CFAP99: variants seen among roughly 807,000 people sequenced by gnomAD.
The protein encoded by CFAP99 is cilia and flagella associated protein 99.
A neutral mutation model predicts 82.7 loss-of-function variants in CFAP99; 84 were observed. The observed-to-expected ratio is 1.02, with a 90% CI of 0.85 to 1.22. The LOEUF is 1.22. Among genes scored for constraint, CFAP99 ranks in the 50% most tolerant of loss-of-function variants. CFAP99 has a pLI of 0.00. For missense variants in CFAP99, 1,059 were observed against 983.5 expected (o/e 1.08, Z -1.03); for synonymous variants, 456 against 429.5 (o/e 1.06, Z -0.76).
chr4:2,460,167 A>G, exon 14 of CFAP99: 1 of 1,536,162 alleles, frequency 6.5e-7, no homozygotes, highest in East Asian at 2.4e-5. Flanking sequence ...AAGCACACCA[A>G]GAGCCAGGAA....
chr4:2,422,432 C>T (rs569017589), intron 1 of CFAP99, among the ~76,000 whole-genome samples: 12 of 152,282 alleles, frequency 7.9e-5, no homozygotes, highest in Middle Eastern at 3.4e-3. Context: ...CTACCAGGTC[C>T]GCCCTGGATT....
chr4:2,459,231 C>A, exon 13 of CFAP99: 3 of 1,535,258 alleles, frequency 2.0e-6, no homozygotes, highest in Non-Finnish European at 2.6e-6. Context: ...AGCCCACGCG[C>A]AAGGGCAAGC....
At chr4:2,422,099 T>A (rs1459287568) in intron 1 of CFAP99, among the ~76,000 whole-genome samples, 3 of 152,204 alleles carry the variant, frequency 2.0e-5, no homozygotes, top group African/African-American at 7.2e-5. Flanking sequence ...GCTGAGATGC[T>A]GAAAGCAGGC....
chr4:2,452,112 C>T (rs1734315400), intron 10 of CFAP99, 30 bp from the exon 11 acceptor site: 3 of 1,533,600 alleles, frequency 2.0e-6, no homozygotes, highest in Non-Finnish European at 2.6e-6. Flanking sequence ...GGAGAAACCC[C>T]AAGCTGTGCT....
chr4:2,447,078 G>A (rs748976268), intron 6 of CFAP99, among the ~76,000 whole-genome samples: 49 of 151,582 alleles, frequency 3.2e-4, no homozygotes, highest in Non-Finnish European at 5.9e-4. Context: ...ATGGATAGTC[G>A]GAAGGATGGG....
At position 2,460,221 on chromosome 4, in the gene CFAP99, T is replaced by C. The variant is rs1270413532; in HGVS notation, c.1640T>C (p.Met547Thr). ...CAGATCTCGCTGTGCCGTGCAGCCATGGGGAGATCCGCAGCCTTGAGGTTG... is the reference window on the plus strand; with the variant it reads ...CAGATCTCGCTGTGCCGTGCAGCCACGGGGAGATCCGCAGCCTTGAGGTTG... The change falls in exon 14 of 15, where the codon ATG (methionine) becomes ACG (threonine). Residue 547 changes from methionine (M) to threonine (T), a missense_variant. By Grantham distance (81) the Met-to-Thr change is moderately conservative (BLOSUM62 -1). Coordinates refer to ENST00000635017, the Ensembl canonical transcript of CFAP99. 2 of 1,536,004 alleles carry C rather than the reference T, an allele frequency of 1.3e-6. No homozygotes were observed. Among genetic ancestry groups the C allele is most frequent in the Non-Finnish European group, 1.7e-6 (2 of 1,146,882 alleles).
intron 8 of CFAP99, chr4:2,450,471 C>T (rs1734277337): frequency 3.6e-6 from 1 of 275,916 alleles, no homozygotes; most frequent in South Asian, 4.1e-5. Context: ...TGGTGCATGC[C>T]GCGGGGCTGC....
intron 4 of CFAP99, among the ~76,000 whole-genome samples, chr4:2,441,747 C>T (rs1578473096): frequency 6.6e-6 from 1 of 152,354 alleles, no homozygotes; most frequent in South Asian, 2.1e-4. Context: ...CTTCTTCCTG[C>T]CTCGGGGCTC....
chr4:2,444,328 C>T (rs370064998), intron 5 of CFAP99, among the ~76,000 whole-genome samples: 1 of 152,206 alleles, frequency 6.6e-6, no homozygotes, highest in East Asian at 1.9e-4. Context: ...CCCATTCAGG[C>T]TTCCTCTGCC....
Position 2,459,261 on chromosome 4 carries a change from G to A in CFAP99, c.1455+3G>A. 1 of 1,531,606 alleles carries A rather than the reference G, an allele frequency of 6.5e-7. No homozygotes were observed. The highest frequency in any genetic ancestry group is 1.4e-5 in the African/African-American group (1 of 73,116). 94.9% of individuals were successfully genotyped at this position (1,531,606 alleles called of 1,614,324 possible). On this transcript the variant is annotated splice_donor_region_variant and intron_variant, in intron 13 of 14. Transcript: ENST00000635017. ...GCAAGCTCGTGGACCTGACCCAGGT[G>A]AGGATGCAGTCCTGGACGGGCCCAT...
At chr4:2,420,299 T>C (rs530322905) in intron 1 of CFAP99, among the ~76,000 whole-genome samples, 2 of 152,182 alleles carry the variant, frequency 1.3e-5, no homozygotes, top group East Asian at 3.9e-4. Flanking sequence ...TCAAAACCTA[T>C]ATCTCTAGCC....
At chr4:2,443,103 C>T (rs1214737414) in intron 4 of CFAP99, 27 bp from the exon 5 acceptor site, 6 of 1,280,336 alleles carry the variant, frequency 4.7e-6, no homozygotes, top group Non-Finnish European at 6.6e-6. Context: ...AGGGCTCCGG[C>T]CCCCTGACAG....
In CFAP99 at chr4:2,445,291, G is replaced by A. The variant is rs777982448; in HGVS notation, c.625G>A (p.Val209Met). ...TCCAGCGCCCGAACCAGTCCCGGTC[G>A]TGGCCAAGCCGAGACCCGTGAGTGT... Residue 209 changes from valine to methionine, a missense_variant, in exon 6 of 15, where the codon GTG becomes ATG. Val to Met is a conservative substitution (Grantham distance 21). Coordinates refer to ENST00000635017, the Ensembl canonical transcript of CFAP99. 179 of 1,364,262 alleles carry A rather than the reference G, an allele frequency of 1.3e-4. 1 individual carries two copies. The highest frequency in any genetic ancestry group is 1.5e-4 in the Non-Finnish European group (162 of 1,062,260). 84.5% of individuals were successfully genotyped at this position (1,364,262 alleles called of 1,614,324 possible).
intron 2 of CFAP99, among the ~76,000 whole-genome samples, chr4:2,436,604 A>G (rs1255087529): frequency 2.0e-5 from 3 of 152,112 alleles, no homozygotes; most frequent in Non-Finnish European, 4.4e-5. Context: ...CTGGAACCGC[A>G]CAGTACTTGT....
chr4:2,450,222 A>G (rs2239735), intron 8 of CFAP99: 447,988 of 581,508 alleles, frequency 0.77, 172,973 homozygotes, highest in Admixed American at 0.81. Flanking sequence ...CACATCCCCC[A>G]GGAGGAAGCT....
rs566490390 is a variant in CFAP99 at position 2,455,897 on chromosome 4, A to T, written c.1162-2826A>T. ...TTCATATTGGAGTGATTGCTTTTAC[A>T]GCCTCAATGTGTTTTAATGAACTAT... On this transcript the variant is annotated intron_variant, in intron 11 of 14. Transcript: ENST00000635017. Among the ~76,000 whole-genome samples, 7 of 152,320 alleles carry T rather than the reference A, an allele frequency of 4.6e-5. No homozygotes were observed. In the East Asian group the frequency reaches 9.6e-4, roughly 21 times the overall value.
chr4:2,433,201 G>T (rs961393844), intron 2 of CFAP99, among the ~76,000 whole-genome samples: 2 of 152,220 alleles, frequency 1.3e-5, no homozygotes, highest in African/African-American at 4.8e-5. Context: ...GATGGCATAG[G>T]GCTCAAGGCT....
intron 2 of CFAP99, among the ~76,000 whole-genome samples, chr4:2,431,527 C>T (rs1733801391): frequency 6.6e-6 from 1 of 152,132 alleles, no homozygotes; most frequent in Admixed American, 6.5e-5. Context: ...ATCTTGGGTG[C>T]ACCCAAGGTC....
chr4:2,449,831 G>A, intron 7 of CFAP99, 81 bp downstream of exon 7: 1 of 1,527,580 alleles, frequency 6.5e-7, no homozygotes, highest in South Asian at 1.2e-5. Context: ...GGAGAGGGAA[G>A]AGGAGGCAAG....
Sources: allele counts gnomAD v4.1 joint callset (sites outside exome capture counted in the v4.1 genomes callset), GRCh38; gene constraint gnomAD v4.1.1; transcripts MANE v1.5; gene names NCBI Gene and HGNC (gene_info 2026-07-23, HGNC 2026-07-21).